The following CPED1 variants were observed in gnomAD, a reference collection of about 807,000 sequenced individuals.
CPED1 encodes the protein cadherin-like and PC-esterase domain-containing protein 1.
Under a neutral mutation model 128.2 loss-of-function variants are expected in CPED1, and 114 were observed. The observed-to-expected ratio is 0.89, with a 90% CI of 0.76 to 1.04. The LOEUF (loss-of-function observed/expected upper bound fraction) is 1.04, where lower values mean the gene tolerates loss of function less well. CPED1 is among the 50% of genes least tolerant of loss of function. The probability of loss-of-function intolerance (pLI) is 0.00; values close to 1 mark genes in which losing one functional copy is unlikely to be tolerated. For synonymous variants in CPED1, 462 were observed against 426.7 expected (o/e 1.08, Z -1.02); for missense variants, 1,211 against 1,207.1 (o/e 1.00, Z -0.05).
chr7:121,275,224 G>C (rs1268143997), intron 22 of CPED1, among the ~76,000 whole-genome samples: 1 of 152,048 alleles, frequency 6.6e-6, no homozygotes. Flanking sequence ...GAAAGATCTT[G>C]AGGTGTTTCT....
chr7:121,207,577 C>G (rs1046424573), intron 16 of CPED1, among the ~76,000 whole-genome samples: 2 of 151,930 alleles, frequency 1.3e-5, no homozygotes, highest in African/African-American at 4.8e-5. Flanking sequence ...TGCCAAGAAG[C>G]TGGAAGAGAA....
intron 18 of CPED1, chr7:121,261,886 C>G (rs1161461944): frequency 1.5e-6 from 1 of 653,310 alleles, no homozygotes; most frequent in Non-Finnish European, 2.6e-6. Context: ...GAAATAAAAA[C>G]AAAGATAATT....
intron 5 of CPED1, among the ~76,000 whole-genome samples, chr7:121,079,490 G>A (rs115806554): frequency 2.4e-3 from 363 of 152,310 alleles, no homozygotes; most frequent in African/African-American, 8.4e-3. Context: ...GTGCCCATCT[G>A]CTGGTCTATA....
At position 121,011,213 on chromosome 7, in the gene CPED1, A is replaced by G. The variant is rs2116798184; in HGVS notation, c.250-4452A>G. On this transcript the variant is annotated intron_variant, in intron 2 of 22. Transcript: ENST00000310396. Reference sequence around the variant, plus strand: ...AAAAAAATCTTTCTGCTATGTGAAAAAAAAAACAAGTTTTATTTTTCAGCC... The same window carrying G: ...AAAAAAATCTTTCTGCTATGTGAAAGAAAAAACAAGTTTTATTTTTCAGCC... 3.3e-5 allele frequency among the ~76,000 whole-genome samples: 5 copies of G among 152,324 alleles called. 1 individual carries two copies. In the Middle Eastern group the frequency reaches 0.014, roughly 414 times the overall value.
chr7:121,191,444 G>C (rs1797138974), intron 16 of CPED1, among the ~76,000 whole-genome samples: 1 of 152,112 alleles, frequency 6.6e-6, no homozygotes, highest in Non-Finnish European at 1.5e-5. Context: ...TTGCTAGGGA[G>C]GCCTTTGAAT....
chr7:121,284,652 C>T (rs1485453897), intron 22 of CPED1, among the ~76,000 whole-genome samples: 5 of 152,298 alleles, frequency 3.3e-5, no homozygotes, highest in African/African-American at 4.8e-5. Context: ...CAAAATCCAG[C>T]GGGGCAATCA....
intron 3 of CPED1, among the ~76,000 whole-genome samples, chr7:121,037,216 C>A (rs567571052): frequency 6.6e-6 from 1 of 152,004 alleles, no homozygotes; most frequent in Non-Finnish European, 1.5e-5. Context: ...CTTTGCCTAA[C>A]CTAATGTCTA....
chr7:121,102,780 T>C (rs1794886935), intron 7 of CPED1, among the ~76,000 whole-genome samples: 1 of 152,042 alleles, frequency 6.6e-6, no homozygotes, highest in African/African-American at 2.4e-5. Flanking sequence ...GCCTGTCCTC[T>C]CAAATAGCCT....
At chr7:121,089,048 A>T (rs375825871) in intron 5 of CPED1, among the ~76,000 whole-genome samples, 1 of 152,158 alleles carries the variant, frequency 6.6e-6, no homozygotes, top group Non-Finnish European at 1.5e-5. Flanking sequence ...ATGAGGAGTG[A>T]ACTCTTGTGT....
chr7:121,071,630 C>T (rs1178981137), intron 5 of CPED1, among the ~76,000 whole-genome samples: 2 of 152,026 alleles, frequency 1.3e-5, no homozygotes, highest in Non-Finnish European at 2.9e-5. Flanking sequence ...ATCCTTCTGC[C>T]TCCACCTCCC....
At chr7:121,251,405 CA>C (rs1798669930) in intron 18 of CPED1, among the ~76,000 whole-genome samples, 1 of 152,070 alleles carries the variant, frequency 6.6e-6, no homozygotes. Context: ...AAAACTGGCA[CA>C]AGACAGGGAT....
At chr7:121,196,324 A>G (rs1428159208) in intron 16 of CPED1, among the ~76,000 whole-genome samples, 1 of 152,084 alleles carries the variant, frequency 6.6e-6, no homozygotes. Context: ...AGCTACCTGC[A>G]GGCTGCTACT....
At position 121,128,495 on chromosome 7, in the gene CPED1, A is replaced by G. The variant is rs760184819; in HGVS notation, c.1407+9A>G. ...TGGGACAATTCCAACTGGTAAAGCA[A>G]AAGTGACATTTGATTCTTTCTTGGT... On this transcript the variant is annotated intron_variant, in intron 11 of 22. Coordinates refer to ENST00000310396, the MANE Select transcript of CPED1 (RefSeq NM_024913.5). 1.8e-5 allele frequency: 25 copies of G among 1,398,836 alleles called. No individual in the cohort carries two copies. The highest frequency in any genetic ancestry group is 2.4e-5 in the Non-Finnish European group (24 of 983,642). The allele number at this position is 1,398,836 out of a possible 1,614,324, so 86.7% of individuals were successfully genotyped here.
chr7:121,012,351 G>A (rs921116508), intron 2 of CPED1, among the ~76,000 whole-genome samples: 1 of 152,206 alleles, frequency 6.6e-6, no homozygotes, highest in African/African-American at 2.4e-5. Flanking sequence ...TGAGAGAGAG[G>A]CAAGTGAACA....
chr7:121,244,372 T>C (rs758825945), intron 18 of CPED1, 34 bp downstream of exon 18: 10 of 1,612,126 alleles, frequency 6.2e-6, no homozygotes, highest in East Asian at 4.5e-5. Flanking sequence ...AAGCCTTTAA[T>C]GTATGCCACC....
chr7:121,015,611 T>C lies in CPED1; in HGVS notation c.250-54T>C, dbSNP rs547100739. 4 of 1,493,904 alleles carry C rather than the reference T, an allele frequency of 2.7e-6. No individual in the cohort carries two copies. In the Admixed American group the frequency reaches 8.8e-5, roughly 33 times the overall value. 92.5% of individuals were successfully genotyped at this position (1,493,904 alleles called of 1,614,324 possible). ...CCTTGATTTGCATTCATGATGTCCT[T>C]CAAGGGAAATGTACTACTTTTTTAT... On this transcript the variant is annotated intron_variant, in intron 2 of 22. Transcript: ENST00000310396.
chr7:121,287,388 G>A (rs889605738), intron 22 of CPED1, among the ~76,000 whole-genome samples: 1 of 152,122 alleles, frequency 6.6e-6, no homozygotes, highest in Non-Finnish European at 1.5e-5. Context: ...CAGTGAAATG[G>A]TGACTCTCTA....
intron 10 of CPED1, 56 bp downstream of exon 10, chr7:121,127,313 G>A: frequency 9.0e-7 from 1 of 1,105,538 alleles, no homozygotes. Flanking sequence ...CTTAGAAGGT[G>A]TCATTCTCCT....
intron 15 of CPED1, among the ~76,000 whole-genome samples, 195 bp from the exon 16 acceptor site, chr7:121,141,778 A>G (rs896483961): frequency 2.0e-5 from 3 of 152,090 alleles, no homozygotes; most frequent in Admixed American, 2.0e-4. Flanking sequence ...CCCTAAAAGA[A>G]CACTCTTGGC....
Sources: allele counts gnomAD v4.1 joint callset (sites outside exome capture counted in the v4.1 genomes callset), GRCh38; gene constraint gnomAD v4.1.1; transcripts MANE v1.5; gene names NCBI Gene and HGNC (gene_info 2026-07-23, HGNC 2026-07-21).